CACNA1D: variants seen among roughly 807,000 people sequenced by gnomAD.
CACNA1D encodes calcium voltage-gated channel subunit alpha1 D.
CACNA1D carries 55 observed loss-of-function variants against 257.1 expected under a neutral mutation model. That is an observed-to-expected ratio of 0.21 (90% confidence interval 0.17 to 0.27). The LOEUF (loss-of-function observed/expected upper bound fraction) is 0.27, where lower values mean the gene tolerates loss of function less well. CACNA1D is among the 10% of genes least tolerant of loss of function. The probability of loss-of-function intolerance (pLI) is 1.00; values close to 1 mark genes in which losing one functional copy is unlikely to be tolerated. For synonymous variants in CACNA1D, 980 were observed against 1,014.9 expected, an observed-to-expected ratio of 0.97 and a Z score of 0.65; for missense variants, 1,876 against 2,784.0, an observed-to-expected ratio of 0.67 and a Z score of 7.34.
chr3:53,691,239 A>G (rs1253980502), intron 8 of CACNA1D, among the ~76,000 whole-genome samples: 1 of 151,404 alleles, frequency 6.6e-6, no homozygotes, highest in Non-Finnish European at 1.5e-5. Context: ...TCCTGGGTTC[A>G]AGAGATTCTC....
intron 39 of CACNA1D, chr3:53,782,034 G>T: frequency 5.1e-6 from 1 of 194,608 alleles, no homozygotes; most frequent in Non-Finnish European, 1.1e-5. Context: ...GTATATTGTT[G>T]AAAATGTCCC....
intron 3 of CACNA1D, among the ~76,000 whole-genome samples, chr3:53,578,151 A>G (rs2093069655): frequency 6.6e-6 from 1 of 152,024 alleles, no homozygotes; most frequent in Admixed American, 6.6e-5. Context: ...AAGTGTGTAG[A>G]TTCTGTGGTA....
At position 53,723,350 on chromosome 3, in the gene CACNA1D, G is replaced by C; in HGVS notation, c.1667-84G>C. On this transcript the variant is annotated intron_variant, in intron 12 of 47. Transcript: ENST00000350061. This position sits in a 1 kb window ranked among gnomAD's most constrained non-coding sequence, Gnocchi z 5.6. Reference sequence around the variant, plus strand: ...TATTGGCGTATTTCCTGTGGGGCCTGATAGGGAGGGAGGTGTGAGGGGCAC... The same window carrying C: ...TATTGGCGTATTTCCTGTGGGGCCTCATAGGGAGGGAGGTGTGAGGGGCAC... 3.2e-6 allele frequency: 3 copies of C among 941,654 alleles called. No individual in the cohort carries two copies. In the South Asian group the frequency reaches 3.9e-5, roughly 12 times the overall value. The allele number at this position is 941,654 out of a possible 1,614,324, so 58.3% of individuals were successfully genotyped here.
intron 9 of CACNA1D, among the ~76,000 whole-genome samples, chr3:53,711,888 G>A (rs1296762031): frequency 6.6e-6 from 1 of 152,228 alleles, no homozygotes; most frequent in African/African-American, 2.4e-5. Context: ...GGGACAGTGA[G>A]TTAGGGGCAG....
At chr3:53,507,794 C>A (rs538794000) in intron 3 of CACNA1D, among the ~76,000 whole-genome samples, 1 of 151,950 alleles carries the variant, frequency 6.6e-6, no homozygotes, top group Non-Finnish European at 1.5e-5. Flanking sequence ...AGTGAGACTA[C>A]CTTAGGGTGA....
At chr3:53,524,084 G>A (rs1055002045) in intron 3 of CACNA1D, among the ~76,000 whole-genome samples, 5 of 151,964 alleles carry the variant, frequency 3.3e-5, no homozygotes, top group Admixed American at 6.6e-5. Flanking sequence ...CAGTTTAGAA[G>A]TAGCGACCTG....
intron 3 of CACNA1D, among the ~76,000 whole-genome samples, chr3:53,559,475 A>T (rs1263080034): frequency 6.6e-6 from 1 of 152,184 alleles, no homozygotes; most frequent in East Asian, 1.9e-4. Context: ...CCTTAAGCAG[A>T]TAATCGACCT....
intron 8 of CACNA1D, among the ~76,000 whole-genome samples, chr3:53,691,915 ATATATATTAT>A (rs2094532808): frequency 3.8e-5 from 3 of 78,576 alleles, no homozygotes; most frequent in African/African-American, 1.5e-4. Flanking sequence ...ATTATATATA[ATATATATTAT>A]ATATATTATA....
At chr3:53,734,233 A>G (rs1316874621) in intron 19 of CACNA1D, among the ~76,000 whole-genome samples, 2 of 151,174 alleles carry the variant, frequency 1.3e-5, no homozygotes, top group African/African-American at 4.9e-5. Context: ...AGTTGACTCC[A>G]GTTTGAAAGT....
At chr3:53,500,288 C>T (rs1352651184) in intron 2 of CACNA1D, among the ~76,000 whole-genome samples, 6 of 137,732 alleles carry the variant, frequency 4.4e-5, no homozygotes, top group East Asian at 4.2e-4. Flanking sequence ...AAAAATTAGC[C>T]GGCGTGGTGG....
intron 30 of CACNA1D, among the ~76,000 whole-genome samples, chr3:53,767,824 C>T (rs887558009): frequency 9.2e-5 from 14 of 152,272 alleles, no homozygotes; most frequent in African/African-American, 3.4e-4. Context: ...CCCGGGGCTG[C>T]CAGTCACATC....
chr3:53,557,713 G>C (rs888935028), intron 3 of CACNA1D, among the ~76,000 whole-genome samples: 2 of 152,094 alleles, frequency 1.3e-5, no homozygotes, highest in African/African-American at 2.4e-5. Context: ...CTATTCTGTT[G>C]GTCTTTGTGT....
At chr3:53,508,521 C>T (rs1239994887) in intron 3 of CACNA1D, among the ~76,000 whole-genome samples, 1 of 152,190 alleles carries the variant, frequency 6.6e-6, no homozygotes, top group Non-Finnish European at 1.5e-5. Flanking sequence ...TTGTTTCCCT[C>T]TGTGTTCGTA....
chr3:53,661,918 G>A (rs2094207368), intron 5 of CACNA1D, among the ~76,000 whole-genome samples: 1 of 152,212 alleles, frequency 6.6e-6, no homozygotes, highest in African/African-American at 2.4e-5. Context: ...ATGTGAGTCT[G>A]AGTCTTGTAT....
At chr3:53,622,515 C>A (rs6776071) in intron 3 of CACNA1D, among the ~76,000 whole-genome samples, 61,622 of 152,000 alleles carry the variant, frequency 0.41, 13,104 homozygotes, top group African/African-American at 0.53. Flanking sequence ...GCAAACTAAC[C>A]CAGGAACAGA....
intron 3 of CACNA1D, among the ~76,000 whole-genome samples, chr3:53,641,614 GTACCC>G (rs891264736): frequency 7.9e-5 from 12 of 152,274 alleles, no homozygotes; most frequent in African/African-American, 2.9e-4. Flanking sequence ...AGCATAGAAT[GTACCC>G]TCTGCCAAGG....
intron 10 of CACNA1D, 105 bp from the exon 11 acceptor site, chr3:53,719,650 T>C: frequency 1.9e-6 from 2 of 1,033,640 alleles, no homozygotes; most frequent in Non-Finnish European, 3.1e-6. Context: ...GGGTGCTAAG[T>C]CCAGGCTGTA....
At chr3:53,535,095 G>A (rs1206216761) in intron 3 of CACNA1D, among the ~76,000 whole-genome samples, 1 of 152,326 alleles carries the variant, frequency 6.6e-6, no homozygotes, top group East Asian at 1.9e-4. Context: ...ACCAAAGAGC[G>A]CTTGTTCACA....
intron 11 of CACNA1D, 77 bp downstream of exon 11, chr3:53,719,858 A>G: frequency 1.5e-6 from 2 of 1,299,280 alleles, no homozygotes; most frequent in East Asian, 2.3e-5. Context: ...TTTACGTAGT[A>G]TTGCTCTGGA....
Sources: gnomAD v4.1 joint callset for allele counts (sites outside exome capture counted in the v4.1 genomes callset) on GRCh38, gnomAD v4.1.1 for gene constraint, Gnocchi (gnomAD v3.1) non-coding constraint, MANE v1.5 for transcripts, NCBI Gene and HGNC (gene_info 2026-07-23, HGNC 2026-07-21) for gene names.